The following ARNT2 variants were observed in gnomAD, a reference collection of about 807,000 sequenced individuals.
The protein encoded by ARNT2 is aryl hydrocarbon receptor nuclear translocator 2.
ARNT2 carries 36 observed loss-of-function variants against 91.7 expected under a neutral mutation model. That is an observed-to-expected ratio of 0.39 (90% CI 0.30 to 0.52). The LOEUF is 0.52. Among genes scored for constraint, ARNT2 ranks in the 20% least tolerant of loss-of-function variants. The pLI is 0.72. For synonymous variants in ARNT2, 365 were observed against 347.1 expected (o/e 1.05, Z -0.57); for missense variants, 775 against 939.3 (o/e 0.83, Z 2.29).
intron 5 of ARNT2, among the ~76,000 whole-genome samples, chr15:80,505,921 T>TTTG: frequency 8.3e-6 from 1 of 120,284 alleles, no homozygotes. Context: ...ATTCCCAACA[T>TTTG]TTGTTGTTTT....
chr15:80,555,185 A>G lies in ARNT2; in HGVS notation c.1164+46A>G. On this transcript the variant is annotated intron_variant, in intron 11 of 18. Transcript: ENST00000303329. ...CTTAAAGCTGATGCATAGTCTGGGC[A>G]CCTGTGGATGTGGCTGGCAGGACAT... 3 of 1,594,160 alleles carry G rather than the reference A, an allele frequency of 1.9e-6. No homozygotes were observed. In the East Asian group the frequency reaches 6.7e-5, roughly 36 times the overall value.
intron 5 of ARNT2, among the ~76,000 whole-genome samples, chr15:80,475,859 G>A (rs1435030848): frequency 6.6e-6 from 1 of 152,038 alleles, no homozygotes; most frequent in Non-Finnish European, 1.5e-5. Context: ...TCATTACCCA[G>A]GCCTTAGTTA....
At chr15:80,556,802 G>A (rs780692586) in intron 11 of ARNT2, 15 of 152,228 alleles carry the variant, frequency 9.9e-5, no homozygotes, top group South Asian at 2.1e-4. Context: ...GCACCGTCCC[G>A]CCACACAGGT....
intron 2 of ARNT2, among the ~76,000 whole-genome samples, 162 bp downstream of exon 2, chr15:80,451,156 T>C (rs1896383373): frequency 6.6e-6 from 1 of 152,262 alleles, no homozygotes; most frequent in Non-Finnish European, 1.5e-5. Flanking sequence ...CATGATTTGC[T>C]TCTAAGTGTT....
intron 5 of ARNT2, among the ~76,000 whole-genome samples, chr15:80,493,195 A>T (rs1897079963): frequency 6.6e-6 from 1 of 152,228 alleles, no homozygotes; most frequent in African/African-American, 2.4e-5. Context: ...ACCCATCCCT[A>T]CAATCATGAC....
At chr15:80,514,758 C>T (rs575440952) in intron 8 of ARNT2, among the ~76,000 whole-genome samples, 54 of 152,196 alleles carry the variant, frequency 3.5e-4, no homozygotes, top group African/African-American at 1.1e-3. Context: ...TGGTGGCGGG[C>T]GCCTGTCGTC....
intron 4 of ARNT2, 37 bp from the exon 5 acceptor site, chr15:80,474,973 T>G: frequency 6.2e-7 from 1 of 1,601,938 alleles, no homozygotes; most frequent in Non-Finnish European, 8.5e-7. Context: ...CCTGGGTCTG[T>G]CAGTGTATTG....
intron 1 of ARNT2, among the ~76,000 whole-genome samples, chr15:80,406,796 A>G (rs1161187795): frequency 6.6e-6 from 1 of 152,206 alleles, no homozygotes; most frequent in Non-Finnish European, 1.5e-5. Flanking sequence ...TAATTTCTCA[A>G]GGGAAAATTC....
At chr15:80,547,022 A>G (rs1406970023) in intron 8 of ARNT2, among the ~76,000 whole-genome samples, 8 of 152,112 alleles carry the variant, frequency 5.3e-5, no homozygotes, top group Admixed American at 2.0e-4. Flanking sequence ...GAGGCAATGG[A>G]AAAATGATAT....
chr15:80,496,129 T>C (rs1477855961), intron 5 of ARNT2, among the ~76,000 whole-genome samples: 3 of 152,044 alleles, frequency 2.0e-5, no homozygotes, highest in Non-Finnish European at 1.5e-5. Flanking sequence ...AGATTCTTGC[T>C]CTCTACCCAG....
At chr15:80,465,569 G>A (rs571448882) in intron 3 of ARNT2, among the ~76,000 whole-genome samples, 7 of 152,276 alleles carry the variant, frequency 4.6e-5, no homozygotes, top group South Asian at 2.1e-4. Flanking sequence ...GTGACCAGTC[G>A]TATTATTTCA....
intron 3 of ARNT2, among the ~76,000 whole-genome samples, chr15:80,461,205 A>G (rs901594225): frequency 1.3e-5 from 2 of 152,348 alleles, no homozygotes; most frequent in Non-Finnish European, 2.9e-5. Context: ...AGGTGGCATC[A>G]ATGTGTATAA....
intron 5 of ARNT2, among the ~76,000 whole-genome samples, chr15:80,481,524 T>A (rs4274393): frequency 0.79 from 119,604 of 152,040 alleles, 47,242 homozygotes; most frequent in East Asian, 0.97. Flanking sequence ...AGCCGGAGTA[T>A]CATAGCAAGA....
chr15:80,567,671 A>G (rs530654597), intron 12 of ARNT2, among the ~76,000 whole-genome samples: 22 of 152,354 alleles, frequency 1.4e-4, no homozygotes, highest in Admixed American at 1.2e-3. Context: ...CAGAAAAGCC[A>G]TCTTGTACAG....
At chr15:80,526,605 T>C (rs973046485) in intron 8 of ARNT2, among the ~76,000 whole-genome samples, 5 of 152,178 alleles carry the variant, frequency 3.3e-5, no homozygotes, top group African/African-American at 4.8e-5. Flanking sequence ...GCAGGTGAAC[T>C]CCCACCAGAC....
In ARNT2 at chr15:80,578,096, C is replaced by T. The variant is rs547800838; in HGVS notation, c.1613+1131C>T. Among the ~76,000 whole-genome samples, 3 of 152,336 alleles carry T rather than the reference C, an allele frequency of 2.0e-5. No homozygotes were observed. The South Asian group carries it at 6.2e-4, about 32-fold the overall frequency. ...ATCTCCGTTGATGCCAAGCCCTGTG[C>T]CAGCCCTGCCTGGGTGCTCATGTTC... On this transcript the variant is annotated intron_variant, in intron 15 of 18. Transcript: ENST00000303329.
At chr15:80,465,196 G>A (rs968351436) in intron 3 of ARNT2, among the ~76,000 whole-genome samples, 3 of 152,182 alleles carry the variant, frequency 2.0e-5, no homozygotes, top group African/African-American at 7.2e-5. Context: ...TTATCACTGT[G>A]TGCTGGGTGA....
intron 11 of ARNT2, among the ~76,000 whole-genome samples, chr15:80,559,179 CGGTT>C (rs1471545272): frequency 6.9e-6 from 1 of 145,872 alleles, no homozygotes; most frequent in East Asian, 2.4e-4. Context: ...CTGTCAGAAC[CGGTT>C]GGTTTTGAAA....
At chr15:80,567,457 C>T (rs538522908) in intron 12 of ARNT2, among the ~76,000 whole-genome samples, 10 of 152,184 alleles carry the variant, frequency 6.6e-5, no homozygotes, top group African/African-American at 1.2e-4. Context: ...GCTCCAAGAA[C>T]GTAAGAAGGG....
Sources: allele counts gnomAD v4.1 joint callset (sites outside exome capture counted in the v4.1 genomes callset), GRCh38; gene constraint gnomAD v4.1.1; transcripts MANE v1.5; gene names NCBI Gene and HGNC (gene_info 2026-07-23, HGNC 2026-07-21).